SP3: variants seen among roughly 807,000 people sequenced by gnomAD.
The protein encoded by SP3 is Sp3 transcription factor.
A neutral mutation model predicts 70.3 loss-of-function variants in SP3; 10 were observed. The observed-to-expected ratio is 0.14, with a 90% CI of 0.09 to 0.24. The LOEUF is 0.24. Among genes scored for constraint, SP3 ranks in the 10% least tolerant of loss-of-function variants. The pLI is 1.00. For missense variants in SP3, 825 were observed against 914.6 expected, an observed-to-expected ratio of 0.90 and a Z score of 1.26; for synonymous variants, 402 against 333.5, an observed-to-expected ratio of 1.21 and a Z score of -2.24.
At chr2:173,964,163 G>T (rs928926082) in intron 2 of SP3, 2 of 394,480 alleles carry the variant, frequency 5.1e-6, no homozygotes, top group South Asian at 7.5e-5. Flanking sequence ...CCACCCCCGG[G>T]AGGGCACGCT....
Position 173,945,912 on chromosome 2 carries a change from G to C in SP3, c.1639+8961C>G, listed in dbSNP as rs140866691. On this transcript the variant is annotated intron_variant, in intron 4 of 6. Coordinates refer to ENST00000310015, the MANE Select transcript of SP3 (RefSeq NM_003111.5). The stretch of plus-strand genomic sequence containing the variant: ...AGGCTGATGTGGACGGATCATTTGA[G>C]GTCAGGAGTTCAAGACCAGCCTGGC... 9.2e-4 allele frequency among the ~76,000 whole-genome samples: 140 copies of C among 152,210 alleles called. 1 individual carries two copies. The East Asian group carries it at 0.025, about 27-fold the overall frequency.
rs147477699 is a variant in SP3 at position 173,912,299 on chromosome 2, T to A, written c.2029+771A>T. ...AGGATATGTGAAGCAACGTCAGAGA[T>A]AGTTTATTCGCTTAACCTAATAGGG... On this transcript the variant is annotated intron_variant, in intron 6 of 6. Transcript: ENST00000310015. Among the ~76,000 whole-genome samples, 731 of 152,304 alleles carry A rather than the reference T, an allele frequency of 4.8e-3. 3 individuals are homozygous for A. The highest frequency in any genetic ancestry group is 0.017 in the African/African-American group (699 of 41,558).
rs571155635 is a variant in SP3, at chr2:173,940,423, G to A, written c.1639+14450C>T. On this transcript the variant is annotated intron_variant, in intron 4 of 6. Transcript: ENST00000310015. Reference sequence around the variant, plus strand: ...TGCTGCTGTTGATGTGACAGGAGGCGGAGCTCAGCCAGTCATGCTTATCGC... The same window carrying A: ...TGCTGCTGTTGATGTGACAGGAGGCAGAGCTCAGCCAGTCATGCTTATCGC... 1.2e-4 allele frequency among the ~76,000 whole-genome samples: 19 copies of A among 152,294 alleles called. No homozygotes were observed. The South Asian group carries it at 2.7e-3, about 22-fold the overall frequency.
intron 3 of SP3, among the ~76,000 whole-genome samples, chr2:173,959,082 A>C (rs1042315429): frequency 9.2e-5 from 14 of 152,170 alleles, no homozygotes; most frequent in African/African-American, 3.1e-4. Context: ...TTACTTTAAA[A>C]TCATTGCAAA....
At position 173,918,637 on chromosome 2, in the gene SP3, C is replaced by A; in HGVS notation, c.1788G>T (p.Arg596=). 1.2e-6 allele frequency: 2 copies of A among 1,613,724 alleles called. No individual in the cohort carries two copies. Residue 596 remains arginine, a synonymous_variant, in exon 5 of 7, where the codon CGG becomes CGT. Transcript: ENST00000310015. The part of the protein sequence containing the change: ...DQQHQEGKRL[R]RVACTCPNCK... ...AGTTGGGACAGGTGCAAGCTACCCT[C>A]CGAAGTCTTTTTCCTTCTTGATGTT...
At chr2:173,919,134 G>A (rs1183900343) in intron 4 of SP3, among the ~76,000 whole-genome samples, 1 of 152,116 alleles carries the variant, frequency 6.6e-6, no homozygotes, top group Admixed American at 6.5e-5. Flanking sequence ...AATCTACCTG[G>A]AAAAACTTTC....
chr2:173,955,776 A>G lies in SP3; in HGVS notation c.736T>C (p.Phe246Leu), dbSNP rs1376557670. 2 of 1,614,232 alleles carry G rather than the reference A, an allele frequency of 1.2e-6. No homozygotes were observed. The highest frequency in any genetic ancestry group is 1.7e-6 in the Non-Finnish European group (2 of 1,180,038). The change falls in exon 4 of 7, where the codon TTT (phenylalanine) becomes CTT (leucine). Residue 246 changes from phenylalanine to leucine, a missense_variant. By Grantham distance (22) the Phe-to-Leu change is conservative. Around this residue, in one of 4 missense-constraint regions of SP3, gnomAD observed 678 missense variants for 651.6 expected, o/e 1.04. Transcript: ENST00000310015. Reference sequence around the variant, plus strand: ...GCAACTACTTGGGTTTGACCAGGAAAAGATGAACCACCAATTGCAACTCCC... The same window carrying G: ...GCAACTACTTGGGTTTGACCAGGAAGAGATGAACCACCAATTGCAACTCCC... ...VQGVAIGGSS[F>L]PGQTQVVANV...
rs1689303666 is a variant in SP3, at chr2:173,905,966, C to T, written c.*3975G>A. On this transcript the variant is annotated 3_prime_UTR_variant, in exon 7 of 7. Transcript: ENST00000310015. ...AGTAAGCCATGATTGCACCACTGCA[C>T]TGTGTGACAGAGACAGACCCTGTCA... 6.6e-6 allele frequency among the ~76,000 whole-genome samples: 1 copy of T among 152,200 alleles called. No homozygotes were observed. The highest frequency in any genetic ancestry group is 1.5e-5 in the Non-Finnish European group (1 of 68,028).
intron 4 of SP3, among the ~76,000 whole-genome samples, chr2:173,925,246 G>A (rs576134573): frequency 6.6e-6 from 1 of 152,190 alleles, no homozygotes; most frequent in Non-Finnish European, 1.5e-5. Context: ...TATAGTATGT[G>A]TATGTAGCAT....
chr2:173,916,843 C>T (rs981307652), intron 5 of SP3: 1 of 151,990 alleles, frequency 6.6e-6, no homozygotes, highest in Admixed American at 6.6e-5. Context: ...AAATTCCCAA[C>T]AAAAGATGTT....
intron 3 of SP3, among the ~76,000 whole-genome samples, chr2:173,956,626 G>A (rs904361837): frequency 5.3e-5 from 8 of 152,110 alleles, no homozygotes; most frequent in Admixed American, 1.3e-4. Flanking sequence ...TAAGTCATCC[G>A]ACTTAGAAAA....
intron 3 of SP3, among the ~76,000 whole-genome samples, chr2:173,958,558 T>C (rs1033994901): frequency 6.9e-5 from 10 of 145,530 alleles, no homozygotes; most frequent in Admixed American, 1.4e-4. Flanking sequence ...ATTATTAAAA[T>C]ACCTGTGAAG....
chr2:173,937,500 T>C lies in SP3; in HGVS notation c.1639+17373A>G, dbSNP rs184225221. On this transcript the variant is annotated intron_variant, in intron 4 of 6. Coordinates refer to ENST00000310015, the MANE Select transcript of SP3 (RefSeq NM_003111.5). ...AGCTGTTACTATGAACAAAGCTTACTAACTCAAACATCACAGGAGATGTTG... is the reference window on the plus strand; with the variant it reads ...AGCTGTTACTATGAACAAAGCTTACCAACTCAAACATCACAGGAGATGTTG... Among the ~76,000 whole-genome samples the C allele has an allele frequency of 1.6e-3, 249 of 152,296 alleles. 1 individual carries two copies. Among genetic ancestry groups the C allele is most frequent in the African/African-American group, 5.8e-3 (241 of 41,566 alleles).
intron 4 of SP3, among the ~76,000 whole-genome samples, chr2:173,927,190 C>T (rs778888583): frequency 6.6e-6 from 1 of 152,068 alleles, no homozygotes; most frequent in Non-Finnish European, 1.5e-5. Flanking sequence ...ATCAAATCAC[C>T]TTCCATCAAG....
chr2:173,918,252 C>G (rs1316575170), intron 5 of SP3, among the ~76,000 whole-genome samples: 2 of 152,032 alleles, frequency 1.3e-5, no homozygotes, highest in African/African-American at 2.4e-5. Flanking sequence ...TTTTACGTAA[C>G]TACTATTCTC....
intron 6 of SP3, 72 bp downstream of exon 6, chr2:173,912,998 A>G: frequency 8.6e-7 from 1 of 1,166,956 alleles, no homozygotes; most frequent in Non-Finnish European, 1.2e-6. Context: ...AGGAATGCTA[A>G]TAAAAAAGAA....
chr2:173,964,367 C>T, intron 2 of SP3, 38 bp downstream of exon 2: 1 of 656,556 alleles, frequency 1.5e-6, no homozygotes, highest in South Asian at 1.6e-5. Flanking sequence ...GAAAGCGGCG[C>T]GAGGGGGGAG....
Position 173,955,793 on chromosome 2 carries a change from G to C in SP3, c.719C>G (p.Ala240Gly), listed in dbSNP as rs1422140864. 4.3e-6 allele frequency: 7 copies of C among 1,614,060 alleles called. No individual in the cohort carries two copies. In the African/African-American group the frequency reaches 5.3e-5, roughly 12 times the overall value. ...QTGQVQVQGV[A>G]IGGSSFPGQT... ...ACCAGGAAAAGATGAACCACCAATTGCAACTCCCTGAACCTGGACTTGACC... is the reference window on the plus strand; with the variant it reads ...ACCAGGAAAAGATGAACCACCAATTCCAACTCCCTGAACCTGGACTTGACC... Residue 240 changes from alanine (A) to glycine (G), a missense_variant, in exon 4 of 7, where the codon GCA (alanine) becomes GGA (glycine). Ala to Gly is a moderately conservative substitution (Grantham distance 60). Transcript: ENST00000310015.
rs958603721 is a variant in SP3, at chr2:173,902,411, A to G, written c.*7530T>C. On this transcript the variant is annotated 3_prime_UTR_variant, in exon 7 of 7. Transcript: ENST00000310015. ...TTTGGTATGCATGTTATGGAGATCA[A>G]TTTGGAAGTATCTGGTGAAACTGAA... Among the ~76,000 whole-genome samples, 1 of 152,208 alleles carries G rather than the reference A, an allele frequency of 6.6e-6. No homozygotes were observed. Among genetic ancestry groups the G allele is most frequent in the Non-Finnish European group, 1.5e-5 (1 of 68,036 alleles).
Sources: gnomAD v4.1 joint callset for allele counts (sites outside exome capture counted in the v4.1 genomes callset) on GRCh38, gnomAD v4.1.1 for gene constraint, gnomAD v4.1.1 regional missense constraint, MANE v1.5 for transcripts, NCBI Gene and HGNC (gene_info 2026-07-23, HGNC 2026-07-21) for gene names.